The following FAN1 variants were observed in gnomAD, a reference collection of about 807,000 sequenced individuals.
The protein encoded by FAN1 is fanconi-associated nuclease 1.
Under a neutral mutation model 104.9 loss-of-function variants are expected in FAN1, and 91 were observed. The ratio of observed to expected loss-of-function variants is 0.87; its 90% confidence interval spans 0.73 to 1.03. FAN1 has a LOEUF of 1.03. FAN1 is among the 50% of genes least tolerant of loss of function. FAN1 has a pLI of 0.00. For missense variants in FAN1, 1,263 were observed against 1,239.9 expected, an observed-to-expected ratio of 1.02 and a Z score of -0.28; for synonymous variants, 478 against 457.6, an observed-to-expected ratio of 1.04 and a Z score of -0.57.
intron 3 of FAN1, among the ~76,000 whole-genome samples, chr15:30,909,245 A>C (rs2062046691): frequency 6.6e-6 from 1 of 152,058 alleles, no homozygotes; most frequent in South Asian, 2.1e-4. Flanking sequence ...TTTGGGGCAG[A>C]GTTTATTGTG....
At chr15:30,917,383 A>G (rs1480688079) in intron 5 of FAN1, among the ~76,000 whole-genome samples, 1 of 152,160 alleles carries the variant, frequency 6.6e-6, no homozygotes, top group African/African-American at 2.4e-5. Flanking sequence ...TGGCATATGG[A>G]CAATGTTTGA....
rs765542314 is a variant in FAN1, at chr15:30,941,846, T to G, written c.*284T>G. 2 of 1,614,044 alleles carry G rather than the reference T, an allele frequency of 1.2e-6. No individual in the cohort carries two copies. Among genetic ancestry groups the G allele is most frequent in the Non-Finnish European group, 1.7e-6 (2 of 1,179,904 alleles). On this transcript the variant is annotated 3_prime_UTR_variant, in exon 15 of 15. Transcript: ENST00000362065. The stretch of plus-strand genomic sequence containing the variant: ...GTAGCACAGTTTCCACAGTTTTATG[T>G]GTGTTCCAGAGACACGTGGCAGAAT...
chr15:30,917,899 T>C (rs1055467807), intron 5 of FAN1, among the ~76,000 whole-genome samples: 40 of 152,232 alleles, frequency 2.6e-4, no homozygotes, highest in African/African-American at 8.7e-4. Context: ...AATGATGAGC[T>C]GATCCATATC....
chr15:30,932,810 T>TCAAG (rs1417291438), intron 13 of FAN1, among the ~76,000 whole-genome samples: 1 of 151,226 alleles, frequency 6.6e-6, no homozygotes, highest in East Asian at 2.0e-4. Context: ...CCTCCTGGGT[T>TCAAG]CAAGTGATTC....
intron 2 of FAN1, 29 bp downstream of exon 2, chr15:30,905,926 T>G: frequency 6.3e-7 from 1 of 1,585,728 alleles, no homozygotes; most frequent in South Asian, 1.1e-5. Flanking sequence ...TGTTTTCAAG[T>G]TTTCATTCCC....
Position 30,905,662 on chromosome 15 carries a change from G to A in FAN1, c.999G>A (p.Trp333Ter). ...SHSSADDASA[W>*]SNIQEAPLQD... ...GTTCTGCAGATGATGCTTCTGCATG[G>A]AGTAACATCCAAGAGGCTCCTCTGC... The change falls in exon 2 of 15, where the codon TGG becomes TGA. Residue 333 changes from tryptophan (W) to a stop codon, truncating the protein, a stop_gained. Transcript: ENST00000362065. LOFTEE classifies it high-confidence loss of function. The A allele has an allele frequency of 1.9e-6, 3 of 1,614,036 alleles. No individual in the cohort carries two copies. The highest frequency in any genetic ancestry group is 1.7e-6 in the Non-Finnish European group (2 of 1,179,916).
intron 13 of FAN1, 152 bp downstream of exon 13, chr15:30,930,823 C>A: frequency 2.3e-6 from 2 of 881,328 alleles, no homozygotes; most frequent in Non-Finnish European, 1.8e-6. Flanking sequence ...GGCCTGTCCC[C>A]TGCGACTGGC....
chr15:30,937,095 A>G (rs1336879090), intron 13 of FAN1, 24 bp from the exon 14 acceptor site: 1 of 1,601,524 alleles, frequency 6.2e-7, no homozygotes, highest in Non-Finnish European at 8.5e-7. Context: ...TACTAATAAC[A>G]ACTTTTAAAA....
chr15:30,919,953 T>G (rs1231868886), intron 6 of FAN1, among the ~76,000 whole-genome samples: 1 of 152,144 alleles, frequency 6.6e-6, no homozygotes, highest in Admixed American at 6.5e-5. Context: ...TAATATTGAC[T>G]TAAAAATCAC....
chr15:30,905,380 C>G lies in FAN1; in HGVS notation c.717C>G (p.Ala239=). Residue 239 remains alanine (A), a synonymous_variant, in exon 2 of 15, where the codon GCC becomes GCG. Coordinates refer to ENST00000362065, the MANE Select transcript of FAN1 (RefSeq NM_014967.5). ...HMVRGSKIME[A]ESQKATRECE... is the part of the protein sequence containing the mutation. ...TAAGAGGAAGTAAAATAATGGAAGC[C>G]GAAAGCCAAAAGGCTACCCGGGAAT... 1 of 1,613,988 alleles carries G rather than the reference C, an allele frequency of 6.2e-7. No homozygotes were observed. Among genetic ancestry groups the G allele is most frequent in the South Asian group, 1.1e-5 (1 of 91,076 alleles).
intron 13 of FAN1, among the ~76,000 whole-genome samples, chr15:30,931,068 A>C (rs1199624679): frequency 6.6e-6 from 1 of 152,296 alleles, no homozygotes; most frequent in East Asian, 1.9e-4. Context: ...AAAGAGTATA[A>C]TGGTTTGTAA....
chr15:30,926,487 C>T (rs547320839), intron 10 of FAN1: 3 of 289,834 alleles, frequency 1.0e-5, no homozygotes, highest in African/African-American at 4.6e-5. Flanking sequence ...CAGTATTCCC[C>T]GAGTGTTCGG....
Position 30,942,271 on chromosome 15 carries a change from G to C in FAN1, c.*709G>C, listed in dbSNP as rs142459851. On this transcript the variant is annotated 3_prime_UTR_variant, in exon 15 of 15. Coordinates refer to ENST00000362065, the MANE Select transcript of FAN1 (RefSeq NM_014967.5). Reference sequence around the variant, plus strand: ...CTTTTTTATGTGTTGACTCTACCTAGGCTGTTACTATCAGCCTGAATGGGG... The same window carrying C: ...CTTTTTTATGTGTTGACTCTACCTACGCTGTTACTATCAGCCTGAATGGGG... 28 of 675,230 alleles carry C rather than the reference G, an allele frequency of 4.1e-5. No homozygotes were observed. In the East Asian group the frequency reaches 4.9e-4, roughly 12 times the overall value. The allele number at this position is 675,230 out of a possible 1,614,324, so 41.8% of individuals were successfully genotyped here.
rs140236865 is a variant in FAN1, at chr15:30,930,631, C to G, written c.2876C>G (p.Pro959Arg). Residue 959 changes from proline (P) to arginine (R), a missense_variant, in exon 13 of 15, where the codon CCC becomes CGC. Physicochemically the swap from Pro to Arg is moderately radical, Grantham distance 103. Around this residue, in one of 2 missense-constraint regions of FAN1, gnomAD observed 581 missense variants for 668.8 expected, o/e 0.87. Transcript: ENST00000362065. The part of the protein sequence containing the change: ...ADFRHCRGGL[P>R]DLVVWNSQSR... ...TTTCGACACTGTCGAGGGGGCCTCCCCGACCTGGTGGTGTGGAACTCCCAG... is the reference window on the plus strand; with the variant it reads ...TTTCGACACTGTCGAGGGGGCCTCCGCGACCTGGTGGTGTGGAACTCCCAG... The G allele has an allele frequency of 2.5e-6, 4 of 1,612,746 alleles. No homozygotes were observed. Among genetic ancestry groups the G allele is most frequent in the Non-Finnish European group, 8.5e-7 (1 of 1,179,548 alleles).
At chr15:30,911,197 A>C in intron 4 of FAN1, 1 of 1,003,112 alleles carries the variant, frequency 1.0e-6, no homozygotes, top group Non-Finnish European at 1.2e-6. Flanking sequence ...TTAATGTGCA[A>C]GTTTTCCTGA....
At chr15:30,916,995 A>G (rs947803618) in intron 5 of FAN1, among the ~76,000 whole-genome samples, 7 of 152,152 alleles carry the variant, frequency 4.6e-5, no homozygotes, top group Non-Finnish European at 1.0e-4. Context: ...ACAGGCCCTG[A>G]GGCAGGAAAG....
In FAN1 at chr15:30,908,172, A is replaced by G; in HGVS notation, c.1289A>G (p.Lys430Arg). ...TTTCAACGTAAATTAAGCTGGATTA[A>G]GATGACCAAATTAGAGTATGAAGAG... The part of the protein sequence containing the change: ...RLFQRKLSWI[K>R]MTKLEYEEIA... Residue 430 changes from lysine (K) to arginine (R), a missense_variant, in exon 3 of 15, where the codon AAG (lysine) becomes AGG (arginine). Lys to Arg is a conservative substitution (Grantham distance 26, BLOSUM62 2). Coordinates refer to ENST00000362065, the MANE Select transcript of FAN1 (RefSeq NM_014967.5). 1 of 1,611,616 alleles carries G rather than the reference A, an allele frequency of 6.2e-7. No homozygotes were observed. Among genetic ancestry groups the G allele is most frequent in the Non-Finnish European group, 8.5e-7 (1 of 1,178,960 alleles).
Position 30,908,144 on chromosome 15 carries a change from C to T in FAN1, c.1261C>T (p.Leu421Phe). ...SATGQKLYVRLFQRKLSWIKM... is the reference protein window; with the variant it reads ...SATGQKLYVRFFQRKLSWIKM... ...TACTGGTCAGAAGTTATATGTAAGG[C>T]TCTTTCAACGTAAATTAAGCTGGAT... is the stretch of plus-strand genomic sequence containing the variant. The change falls in exon 3 of 15, where the codon CTC (leucine) becomes TTC (phenylalanine). Residue 421 changes from leucine (L) to phenylalanine (F), a missense_variant. Physicochemically the swap from Leu to Phe is conservative, Grantham distance 22. This residue lies in a region of FAN1 where 682 missense variants were observed against 571.1 expected (regional missense o/e 1.19). Transcript: ENST00000362065. The T allele has an allele frequency of 1.2e-6, 2 of 1,610,306 alleles. No homozygotes were observed. Among genetic ancestry groups the T allele is most frequent in the Non-Finnish European group, 1.7e-6 (2 of 1,178,526 alleles).
chr15:30,939,532 A>AAAAT (rs2062967239), intron 14 of FAN1: 1 of 976,976 alleles, frequency 1.0e-6, no homozygotes, highest in African/African-American at 1.8e-5. Flanking sequence ...CTGTCCAGCA[A>AAAAT]AAATAAAAGT....
Sources: allele counts gnomAD v4.1 joint callset (sites outside exome capture counted in the v4.1 genomes callset), GRCh38; gene constraint gnomAD v4.1.1; regional missense constraint gnomAD v4.1.1; transcripts MANE v1.5; gene names NCBI Gene and HGNC (gene_info 2026-07-23, HGNC 2026-07-21).